Variants in SPINK9 observed in about 807,000 individuals in gnomAD.
SPINK9 encodes serine protease inhibitor Kazal-type 9.
In SPINK9, 3 loss-of-function variants were observed where a neutral mutation model predicts 10.8. That is an observed-to-expected ratio of 0.28 (90% confidence interval 0.13 to 0.72). The LOEUF (loss-of-function observed/expected upper bound fraction) is 0.72. Among genes scored for constraint, SPINK9 ranks in the 30% least tolerant of loss-of-function variants. SPINK9 has a pLI of 0.74. For missense variants in SPINK9, 101 were observed against 103.2 expected (o/e 0.98, Z 0.09); for synonymous variants, 30 against 31.2 (o/e 0.96, Z 0.12).
At chr5:148,326,187 A>G (rs1757057619) in intron 2 of SPINK9, among the ~76,000 whole-genome samples, 1 of 152,238 alleles carries the variant, frequency 6.6e-6, no homozygotes, top group Non-Finnish European at 1.5e-5. Context: ...AATTAAAACC[A>G]CAATAGTATA....
rs968326754 is a variant in SPINK9 at position 148,336,523 on chromosome 5, C to T, written c.87+70C>T. 1.3e-5 allele frequency: 19 copies of T among 1,425,278 alleles called. No homozygotes were observed. The Admixed American group carries it at 1.8e-4, about 13-fold the overall frequency. The allele number at this position is 1,425,278 out of a possible 1,614,324, so 88.3% of individuals were successfully genotyped here. ...CAGTAAGGAAATATTTGATACTACA[C>T]AGTAATTAAATTTCTATATGTTTGA... On this transcript the variant is annotated intron_variant, in intron 2 of 3. Coordinates refer to ENST00000377906, the MANE Select transcript of SPINK9 (RefSeq NM_001040433.2).
Position 148,324,508 on chromosome 5 carries a change from G to A in SPINK9, c.118+640G>A, listed in dbSNP as rs191355826. 9.2e-5 allele frequency among the ~76,000 whole-genome samples: 14 copies of A among 152,070 alleles called. No homozygotes were observed. In the East Asian group the frequency reaches 2.3e-3, roughly 25 times the overall value. On this transcript the variant is annotated intron_variant, in intron 2 of 4. Transcript: ENST00000511717. ...TATACTGGCTGAAAAGATACAATAT[G>A]CAGAACACAGAATAACGTTTCGATT... is the stretch of plus-strand genomic sequence containing the variant.
chr5:148,326,654 T>C (rs1757064309), intron 2 of SPINK9, among the ~76,000 whole-genome samples: 1 of 152,094 alleles, frequency 6.6e-6, no homozygotes, highest in Non-Finnish European at 1.5e-5. Context: ...CCTAATGCTA[T>C]CCCTCCCCCT....
intron 1 of SPINK9, among the ~76,000 whole-genome samples, chr5:148,321,680 T>A (rs960090321): frequency 1.3e-5 from 2 of 152,152 alleles, no homozygotes; most frequent in Non-Finnish European, 2.9e-5. Context: ...AACTAAAATA[T>A]CTTTACATTA....
intron 2 of SPINK9, among the ~76,000 whole-genome samples, chr5:148,336,700 T>G (rs927230107): frequency 6.6e-5 from 10 of 152,194 alleles, no homozygotes; most frequent in African/African-American, 2.2e-4. Context: ...CACGTGGCCA[T>G]GGGCAACATA....
upstream of SPINK9, among the ~76,000 whole-genome samples, chr5:148,331,039 G>A (rs1427550911): frequency 2.0e-5 from 3 of 152,164 alleles, no homozygotes; most frequent in East Asian, 1.9e-4. Flanking sequence ...CACTTCCTGG[G>A]TGAGGTGATG....
In SPINK9 at chr5:148,322,219, G is replaced by A. The variant is rs1178021424; in HGVS notation, c.-73+819G>A. On this transcript the variant is annotated intron_variant, in intron 1 of 4. Coordinates refer to the SPINK9 transcript ENST00000511717. ...TAATAGATATATTGATATGACACAG[G>A]TATACTCTGTAATAGATACATTGAT... Among the ~76,000 whole-genome samples, 5 of 152,114 alleles carry A rather than the reference G, an allele frequency of 3.3e-5. No homozygotes were observed. In the East Asian group the frequency reaches 5.8e-4, roughly 18 times the overall value.
intron 2 of SPINK9, 89 bp from the exon 3 acceptor site, chr5:148,338,389 A>G: frequency 1.7e-6 from 2 of 1,210,110 alleles, no homozygotes; most frequent in East Asian, 2.4e-5. Context: ...ACATGCATTG[A>G]GAGCCCTCTG....
chr5:148,336,556 C>T, intron 2 of SPINK9, 103 bp downstream of exon 2: 3 of 1,261,374 alleles, frequency 2.4e-6, no homozygotes, highest in Admixed American at 1.9e-5. Context: ...TGAATATTTA[C>T]TTTATGTGTA....
intron 2 of SPINK9, among the ~76,000 whole-genome samples, chr5:148,327,723 T>A: frequency 6.6e-6 from 1 of 151,130 alleles, no homozygotes; most frequent in African/African-American, 2.4e-5. Flanking sequence ...TTTCTACATA[T>A]GGCTAGCCAG....
rs1277123126 is a variant in SPINK9 at position 148,323,856 on chromosome 5, G to C, written c.106G>C (p.Glu36Gln). ...GAGACTCATGGGCTTAACGCAACCT[G>C]AACATTTACAAGGTATGTAGCCCGC... Residue 36 changes from glutamate to glutamine, a missense_variant, in exon 2 of 5, where the codon GAA becomes CAA. Glu to Gln is a conservative substitution (Grantham distance 29). Coordinates refer to the SPINK9 transcript ENST00000511717. 1.4e-5 allele frequency: 10 copies of C among 699,894 alleles called. 1 individual carries two copies. The South Asian group carries it at 1.5e-4, about 10-fold the overall frequency. The allele number at this position is 699,894 out of a possible 1,614,324, so 43.4% of individuals were successfully genotyped here. A position where few individuals can be genotyped will look rare whatever the true frequency, so the allele number is the denominator to read the frequency against.
Position 148,324,735 on chromosome 5 carries a change from G to C in SPINK9, c.118+867G>C, listed in dbSNP as rs530657231. 4.4e-4 allele frequency among the ~76,000 whole-genome samples: 67 copies of C among 151,038 alleles called. 1 individual carries two copies. In the South Asian group the frequency reaches 0.011, roughly 25 times the overall value. On this transcript the variant is annotated intron_variant, in intron 2 of 4. Coordinates refer to the SPINK9 transcript ENST00000511717. ...CTTATTATTATTATTATTATTAATG[G>C]GAAATAATTTACAAAGCATAAAATT...
chr5:148,326,106 A>G (rs1022683634), intron 2 of SPINK9, among the ~76,000 whole-genome samples: 2 of 152,206 alleles, frequency 1.3e-5, no homozygotes, highest in Non-Finnish European at 2.9e-5. Context: ...ACATTTCTTG[A>G]ATGAAGACAT....
intron 1 of SPINK9, among the ~76,000 whole-genome samples, chr5:148,323,031 C>T (rs968331398): frequency 6.6e-6 from 1 of 151,830 alleles, no homozygotes; most frequent in Admixed American, 6.6e-5. Context: ...TTTTAAAACC[C>T]GCCTATAAGC....
At chr5:148,339,584 T>C (rs1209127614) in intron 3 of SPINK9, 83 bp from the exon 4 acceptor site, 1 of 1,167,326 alleles carries the variant, frequency 8.6e-7, no homozygotes, top group Non-Finnish European at 1.3e-6. Context: ...AATACATTTT[T>C]GGGATTCATT....
upstream of SPINK9, among the ~76,000 whole-genome samples, chr5:148,334,646 G>A (rs1054766480): frequency 6.6e-6 from 1 of 152,076 alleles, no homozygotes; most frequent in Admixed American, 6.6e-5. Context: ...AGAAGGCAGA[G>A]GTTGCAGTGA....
chr5:148,326,122 T>G (rs971142410), intron 2 of SPINK9, among the ~76,000 whole-genome samples: 1 of 152,094 alleles, frequency 6.6e-6, no homozygotes, highest in Non-Finnish European at 1.5e-5. Flanking sequence ...GACATACAAA[T>G]GGTCAACAGA....
chr5:148,328,344 A>T (rs895866422), intron 2 of SPINK9, among the ~76,000 whole-genome samples: 2 of 152,138 alleles, frequency 1.3e-5, no homozygotes, highest in African/African-American at 4.8e-5. Flanking sequence ...ATTTTTGTAT[A>T]TTGATTTTGC....
Position 148,339,361 on chromosome 5 carries a change from T to G in SPINK9, c.216-306T>G, listed in dbSNP as rs73795091. ...CATATGTGGCATATTGTTCTGGTTC[T>G]TTTTTTAATAAAAGAAAAATAACAA... On this transcript the variant is annotated intron_variant, in intron 3 of 3. Transcript: ENST00000377906. Among the ~76,000 whole-genome samples, 1,333 of 152,124 alleles carry G rather than the reference T, an allele frequency of 8.8e-3. 23 individuals are homozygous for G. Among genetic ancestry groups the G allele is most frequent in the East Asian group, 0.064 (333 of 5,168 alleles).
Sources: gnomAD v4.1 joint callset for allele counts (sites outside exome capture counted in the v4.1 genomes callset) on GRCh38, gnomAD v4.1.1 for gene constraint, MANE v1.5 for transcripts, NCBI Gene and HGNC (gene_info 2026-07-23, HGNC 2026-07-21) for gene names.